The following GSK3B variants were observed in gnomAD, a reference collection of about 807,000 sequenced individuals.
The protein encoded by GSK3B is glycogen synthase kinase 3 beta.
GSK3B carries 15 observed loss-of-function variants against 56.4 expected under a neutral mutation model. The ratio of observed to expected loss-of-function variants is 0.27; its 90% CI spans 0.18 to 0.41. The LOEUF is 0.41. GSK3B is among the 10% of genes least tolerant of loss of function. The probability of loss-of-function intolerance (pLI) is 1.00; values close to 1 mark genes in which losing one functional copy is unlikely to be tolerated. For synonymous variants in GSK3B, 181 were observed against 188.9 expected, an observed-to-expected ratio of 0.96 and a Z score of 0.34; for missense variants, 300 against 513.4, an observed-to-expected ratio of 0.58 and a Z score of 4.02.
chr3:120,088,932 T>C (rs1041581419), intron 1 of GSK3B, among the ~76,000 whole-genome samples: 2 of 152,236 alleles, frequency 1.3e-5, no homozygotes, highest in African/African-American at 4.8e-5. Flanking sequence ...AACATATGCA[T>C]GTTTCACAGC....
chr3:119,880,431 C>CT (rs2056367275), intron 7 of GSK3B, among the ~76,000 whole-genome samples: 1 of 152,084 alleles, frequency 6.6e-6, no homozygotes, highest in Admixed American at 6.6e-5. Flanking sequence ...TAACTGTTTC[C>CT]TTTGCTGTGC....
intron 3 of GSK3B, among the ~76,000 whole-genome samples, chr3:119,941,274 C>A (rs1456743593): frequency 5.9e-5 from 9 of 152,110 alleles, no homozygotes; most frequent in Non-Finnish European, 1.3e-4. Context: ...GCCTCGGCCT[C>A]TCAAAAGTGC....
chr3:119,954,271 AT>A (rs1292459376), intron 2 of GSK3B, among the ~76,000 whole-genome samples: 72 of 149,364 alleles, frequency 4.8e-4, no homozygotes, highest in Non-Finnish European at 8.8e-4. Context: ...ATAGAATAGA[AT>A]AGAATAGAAT....
rs563819140 is a variant in GSK3B at position 120,000,831 on chromosome 3, A to G, written c.282+1215T>C. ...AAAAAGGGAAGATAGCAAAAAAAAA[A>G]AAAAAAAGTTACGAGAAAAATGGAT... On this transcript the variant is annotated intron_variant, in intron 2 of 10. Transcript: ENST00000264235. Among the ~76,000 whole-genome samples the G allele has an allele frequency of 3.3e-5, 5 of 151,714 alleles. No individual in the cohort carries two copies. The East Asian group carries it at 7.7e-4, about 23-fold the overall frequency.
chr3:119,833,307 A>G (rs1049141518), intron 10 of GSK3B, among the ~76,000 whole-genome samples: 2 of 152,152 alleles, frequency 1.3e-5, no homozygotes, highest in Admixed American at 6.5e-5. Flanking sequence ...ACAGAAAATA[A>G]ACATAGGAGA....
chr3:120,021,231 T>C (rs2057874160), intron 1 of GSK3B, among the ~76,000 whole-genome samples: 1 of 151,418 alleles, frequency 6.6e-6, no homozygotes, highest in South Asian at 2.1e-4. Flanking sequence ...ATTCAGCGGG[T>C]GCGGTGGCTC....
At chr3:119,888,205 T>C (rs558304340) in intron 7 of GSK3B, among the ~76,000 whole-genome samples, 2 of 152,236 alleles carry the variant, frequency 1.3e-5, no homozygotes, top group African/African-American at 4.8e-5. Context: ...ATTAAAAAAT[T>C]CCTCTTGAAG....
rs558627481 is a variant in GSK3B at position 119,859,726 on chromosome 3, T to C, written c.1096+3693A>G. On this transcript the variant is annotated intron_variant, in intron 9 of 10. Coordinates refer to ENST00000264235, the MANE Select transcript of GSK3B (RefSeq NM_001146156.2). ...CTTGCTTTCTGGAACACCTTTTCTA[T>C]CTCATCACCTGCTTTTCTCGTGTCC... Among the ~76,000 whole-genome samples, 3 of 152,290 alleles carry C rather than the reference T, an allele frequency of 2.0e-5. No individual in the cohort carries two copies. In the East Asian group the frequency reaches 5.8e-4, roughly 29 times the overall value.
At chr3:119,903,921 A>G (rs1157420883) in intron 7 of GSK3B, among the ~76,000 whole-genome samples, 5 of 152,170 alleles carry the variant, frequency 3.3e-5, no homozygotes, top group African/African-American at 4.8e-5. Context: ...AGAGACCAGG[A>G]AACTACAGCC....
chr3:119,974,239 T>A (rs747996607), intron 2 of GSK3B, among the ~76,000 whole-genome samples: 40 of 152,166 alleles, frequency 2.6e-4, no homozygotes, highest in Non-Finnish European at 2.2e-4. Flanking sequence ...AAAGAATTCT[T>A]AAAACTCAAC....
chr3:119,957,813 T>A (rs2057229520), intron 2 of GSK3B, among the ~76,000 whole-genome samples: 1 of 152,218 alleles, frequency 6.6e-6, no homozygotes, highest in African/African-American at 2.4e-5. Flanking sequence ...GATTCCATGC[T>A]CTATCACAAT....
intron 1 of GSK3B, among the ~76,000 whole-genome samples, chr3:120,038,818 T>C (rs997950218): frequency 8.2e-6 from 1 of 121,866 alleles, no homozygotes; most frequent in Admixed American, 8.3e-5. Context: ...GCACAGTCCA[T>C]AAAAAAAAAA....
rs1011164328 is a variant in GSK3B, at chr3:120,031,166, G to A, written c.89-28927C>T. ...ATGGTAGGTCTAGAATTTCAAAAAA[G>A]GTATAAAATAATTTTTATATCAACA... On this transcript the variant is annotated intron_variant, in intron 1 of 10. Transcript: ENST00000264235. Among the ~76,000 whole-genome samples, 3 of 151,940 alleles carry A rather than the reference G, an allele frequency of 2.0e-5. No individual in the cohort carries two copies. In the East Asian group the frequency reaches 5.8e-4, roughly 29 times the overall value.
At chr3:119,874,363 C>A (rs2056283462) in intron 8 of GSK3B, among the ~76,000 whole-genome samples, 1 of 151,878 alleles carries the variant, frequency 6.6e-6, no homozygotes, top group Non-Finnish European at 1.5e-5. Context: ...AAGAGGTTAA[C>A]AACAATAACT....
intron 10 of GSK3B, among the ~76,000 whole-genome samples, chr3:119,837,430 G>C (rs1177294705): frequency 6.6e-6 from 1 of 151,824 alleles, no homozygotes; most frequent in African/African-American, 2.4e-5. Flanking sequence ...CTCCCAAAGT[G>C]CTGGGACTAC....
At chr3:119,835,865 T>A (rs959495441) in intron 10 of GSK3B, among the ~76,000 whole-genome samples, 6 of 152,128 alleles carry the variant, frequency 3.9e-5, no homozygotes, top group African/African-American at 9.7e-5. Flanking sequence ...AGGAATAATA[T>A]TAGTAGTACC....
intron 1 of GSK3B, among the ~76,000 whole-genome samples, chr3:120,023,708 A>G (rs556003913): frequency 6.6e-6 from 1 of 152,278 alleles, no homozygotes; most frequent in African/African-American, 2.4e-5. Context: ...AATATCCACT[A>G]AAGAGTAAAG....
chr3:120,046,001 T>C (rs2058099415), intron 1 of GSK3B, among the ~76,000 whole-genome samples: 1 of 151,944 alleles, frequency 6.6e-6, no homozygotes, highest in Non-Finnish European at 1.5e-5. Flanking sequence ...ACTGTATGAT[T>C]CCAACTATAG....
chr3:120,072,806 A>C (rs2058337323), intron 1 of GSK3B, among the ~76,000 whole-genome samples: 1 of 152,240 alleles, frequency 6.6e-6, no homozygotes, highest in Admixed American at 6.5e-5. Context: ...ATTGAGACCA[A>C]TAACCATGGG....
Sources: allele counts gnomAD v4.1 joint callset (sites outside exome capture counted in the v4.1 genomes callset), GRCh38; gene constraint gnomAD v4.1.1; transcripts MANE v1.5; gene names NCBI Gene and HGNC (gene_info 2026-07-23, HGNC 2026-07-21).